Variants in MEP1A observed in about 807,000 individuals in gnomAD.
The protein encoded by MEP1A is N-benzoyl-L-tyrosyl-P-amino-benzoic acid hydrolase subunit alpha.
In MEP1A, 68 loss-of-function variants were observed where a neutral mutation model predicts 84.5. That is an observed-to-expected ratio of 0.80 (90% CI 0.66 to 0.98). MEP1A has a LOEUF of 0.98. MEP1A is among the 50% of genes least tolerant of loss of function. MEP1A has a pLI of 0.00. For missense variants in MEP1A, 887 were observed against 919.9 expected, an observed-to-expected ratio of 0.96 and a Z score of 0.46; for synonymous variants, 337 against 336.8, an observed-to-expected ratio of 1.00 and a Z score of -0.01.
At chr6:46,800,432 C>T (rs914593128) in intron 5 of MEP1A, among the ~76,000 whole-genome samples, 2 of 152,124 alleles carry the variant, frequency 1.3e-5, no homozygotes, top group African/African-American at 2.4e-5. Context: ...GATGCTGATG[C>T]TATTGGTCCC....
In MEP1A at chr6:46,823,352, C is replaced by A. The variant is rs185023963; in HGVS notation, c.557-1920C>A. On this transcript the variant is annotated intron_variant, in intron 7 of 13. Coordinates refer to ENST00000230588, the MANE Select transcript of MEP1A (RefSeq NM_005588.3). ...TGAGGCCAGGCACGGTGGCTCATGC[C>A]TATAATCCCAGCACTTTGAGAGGCC... Among the ~76,000 whole-genome samples, 7 of 152,316 alleles carry A rather than the reference C, an allele frequency of 4.6e-5. No individual in the cohort carries two copies. The East Asian group carries it at 1.4e-3, about 29-fold the overall frequency.
chr6:46,794,307 G>A (rs1007441967), intron 3 of MEP1A, among the ~76,000 whole-genome samples: 5 of 152,216 alleles, frequency 3.3e-5, no homozygotes, highest in Non-Finnish European at 7.3e-5. Context: ...TGCATTCCCA[G>A]TGTCTTAGGT....
intron 5 of MEP1A, among the ~76,000 whole-genome samples, chr6:46,801,429 G>C (rs893261453): frequency 2.0e-5 from 3 of 151,990 alleles, no homozygotes; most frequent in African/African-American, 7.2e-5. Context: ...TTTTACGAGG[G>C]TCTGTCCAAC....
chr6:46,812,873 T>A (rs1389818728), intron 6 of MEP1A, among the ~76,000 whole-genome samples: 1 of 152,134 alleles, frequency 6.6e-6, no homozygotes, highest in Non-Finnish European at 1.5e-5. Context: ...TGAGACTTGT[T>A]TTGTGGTCTA....
chr6:46,842,629 G>A (rs1768354262), downstream of MEP1A, among the ~76,000 whole-genome samples: 1 of 152,114 alleles, frequency 6.6e-6, no homozygotes, highest in African/African-American at 2.4e-5. Flanking sequence ...TGCACAGTGG[G>A]ACATAGACCC....
chr6:46,795,781 AG>A (rs1282051701), intron 3 of MEP1A, among the ~76,000 whole-genome samples: 3 of 152,262 alleles, frequency 2.0e-5, no homozygotes, highest in African/African-American at 7.2e-5. Flanking sequence ...AATATCCTTC[AG>A]ATCATGTCAT....
chr6:46,798,731 G>C (rs872019), intron 4 of MEP1A, 85 bp downstream of exon 4: 297,914 of 1,151,112 alleles, frequency 0.26, 39,184 homozygotes, highest in African/African-American at 0.33. Context: ...CCAGCCCTGG[G>C]ATGGGCACTG....
chr6:46,793,799 A>C, intron 3 of MEP1A, 83 bp downstream of exon 3: 1 of 982,300 alleles, frequency 1.0e-6, no homozygotes, highest in Non-Finnish European at 1.6e-6. Flanking sequence ...CCTTCCTAAT[A>C]CTGTATTGTG....
At chr6:46,798,077 C>A (rs577476323) in intron 3 of MEP1A, among the ~76,000 whole-genome samples, 1 of 151,862 alleles carries the variant, frequency 6.6e-6, no homozygotes, top group African/African-American at 2.4e-5. Flanking sequence ...AAGCAATTCT[C>A]CTGCCTCAGC....
At chr6:46,832,729 C>T (rs370159799) in intron 10 of MEP1A, among the ~76,000 whole-genome samples, 6 of 152,244 alleles carry the variant, frequency 3.9e-5, no homozygotes, top group African/African-American at 1.2e-4. Flanking sequence ...ATGATTCAGC[C>T]TAACACTTGG....
intron 5 of MEP1A, among the ~76,000 whole-genome samples, chr6:46,807,601 G>A (rs1486080968): frequency 1.1e-5 from 1 of 92,572 alleles, no homozygotes; most frequent in African/African-American, 5.2e-5. Flanking sequence ...AGGAAGGAAG[G>A]AAGGAAGGAA....
At chr6:46,815,796 T>C (rs1341084054) in intron 6 of MEP1A, among the ~76,000 whole-genome samples, 1 of 152,172 alleles carries the variant, frequency 6.6e-6, no homozygotes, top group African/African-American at 2.4e-5. Context: ...AAAATGGTAG[T>C]TAGCACATGA....
intron 6 of MEP1A, among the ~76,000 whole-genome samples, chr6:46,817,522 T>C (rs1767668089): frequency 6.6e-6 from 1 of 152,200 alleles, no homozygotes; most frequent in African/African-American, 2.4e-5. Flanking sequence ...ATCTCTGACC[T>C]TCAAGGAAGT....
intron 4 of MEP1A, 78 bp from the exon 5 acceptor site, chr6:46,799,028 T>G: frequency 2.3e-6 from 2 of 872,826 alleles, no homozygotes; most frequent in Non-Finnish European, 3.9e-6. Flanking sequence ...GTTTGCTCTG[T>G]GAGAGTTTAG....
At chr6:46,817,963 T>C (rs1767681483) in intron 6 of MEP1A, among the ~76,000 whole-genome samples, 1 of 152,218 alleles carries the variant, frequency 6.6e-6, no homozygotes, top group Admixed American at 6.5e-5. Flanking sequence ...ACTGGGACTC[T>C]TTCAGAAAGA....
intron 5 of MEP1A, among the ~76,000 whole-genome samples, chr6:46,802,625 A>G (rs148561305): frequency 6.8e-4 from 104 of 151,964 alleles, no homozygotes; most frequent in African/African-American, 2.2e-3. Context: ...AGAAGTGGTA[A>G]GAGTGGACAT....
rs139328929 is a variant in MEP1A at position 46,820,588 on chromosome 6, A to G, written c.556+884A>G. ...TTTTAAGTAGAGATGGGATTTCATC[A>G]TGTTGGTTAGGCTGGTCTTGAACTC... On this transcript the variant is annotated intron_variant, in intron 7 of 13. Transcript: ENST00000230588. Among the ~76,000 whole-genome samples the G allele has an allele frequency of 4.0e-3, 616 of 152,240 alleles. 8 individuals carry two copies. Among genetic ancestry groups the G allele is most frequent in the African/African-American group, 0.014 (584 of 41,552 alleles).
chr6:46,837,720 T>C (rs560225318), intron 13 of MEP1A, among the ~76,000 whole-genome samples: 1 of 152,314 alleles, frequency 6.6e-6, no homozygotes, highest in East Asian at 1.9e-4. Context: ...AATAAGTTTT[T>C]CTAAGGTAAC....
chr6:46,830,181 C>T (rs1278941187), intron 10 of MEP1A, among the ~76,000 whole-genome samples: 1 of 132,104 alleles, frequency 7.6e-6, no homozygotes, highest in African/African-American at 2.8e-5. Flanking sequence ...ACCCGGGAGG[C>T]GGAGGTTGCA....
Sources: gnomAD v4.1 joint callset for allele counts (sites outside exome capture counted in the v4.1 genomes callset) on GRCh38, gnomAD v4.1.1 for gene constraint, MANE v1.5 for transcripts, NCBI Gene and HGNC (gene_info 2026-07-23, HGNC 2026-07-21) for gene names.